REEP5: variants seen among roughly 807,000 people sequenced by gnomAD.
REEP5 encodes the protein receptor accessory protein 5, also known as receptor expression-enhancing protein 5.
REEP5 carries 24 observed loss-of-function variants against 22.4 expected under a neutral mutation model. The ratio of observed to expected loss-of-function variants is 1.07; its 90% CI spans 0.78 to 1.51. The LOEUF (loss-of-function observed/expected upper bound fraction) is 1.51, where lower values mean the gene tolerates loss of function less well. Ranked by LOEUF, REEP5 falls within the 40% of genes most tolerant of loss-of-function variation. The pLI, the probability that REEP5 is intolerant of heterozygous loss-of-function variation, is 0.00. For missense variants in REEP5, 252 were observed against 233.0 expected, an observed-to-expected ratio of 1.08 and a Z score of -0.53; for synonymous variants, 103 against 88.6, an observed-to-expected ratio of 1.16 and a Z score of -0.92.
intron 2 of REEP5, among the ~76,000 whole-genome samples, chr5:112,910,239 C>T (rs468854): frequency 0.42 from 64,155 of 151,922 alleles, 14,605 homozygotes; most frequent in African/African-American, 0.61. Context: ...GGAGGTGGAG[C>T]TGCAGTGAGC....
At chr5:112,884,039 C>G (rs1025292849) in intron 4 of REEP5, among the ~76,000 whole-genome samples, 10 of 152,222 alleles carry the variant, frequency 6.6e-5, no homozygotes, top group African/African-American at 1.9e-4. Flanking sequence ...AGCCAGATCA[C>G]TGCAAGAACC....
chr5:112,909,903 T>G (rs1160458920), intron 2 of REEP5, among the ~76,000 whole-genome samples: 1 of 152,228 alleles, frequency 6.6e-6, no homozygotes, highest in East Asian at 1.9e-4. Flanking sequence ...AGTGTCATCT[T>G]TCAGAAAACC....
intron 3 of REEP5, chr5:112,894,321 T>C (rs960749801): frequency 6.6e-6 from 1 of 152,292 alleles, no homozygotes; most frequent in Non-Finnish European, 1.5e-5. Context: ...GGTTTCACCA[T>C]GTTGGCCAGG....
At chr5:112,880,408 T>A (rs1768033309) in intron 4 of REEP5, among the ~76,000 whole-genome samples, 3 of 152,120 alleles carry the variant, frequency 2.0e-5, no homozygotes, top group African/African-American at 7.2e-5. Context: ...ACTGTGAGAT[T>A]TTACAATCTG....
At chr5:112,916,658 C>A (rs1200475687) in intron 2 of REEP5, among the ~76,000 whole-genome samples, 2 of 152,164 alleles carry the variant, frequency 1.3e-5, no homozygotes, top group African/African-American at 2.4e-5. Flanking sequence ...TAATTTTCAT[C>A]TCTACATAAG....
intron 2 of REEP5, among the ~76,000 whole-genome samples, chr5:112,915,142 A>C (rs1769203269): frequency 6.6e-6 from 1 of 152,180 alleles, no homozygotes; most frequent in East Asian, 1.9e-4. Context: ...AGTCCAGGTC[A>C]GAAGGAGATG....
intron 3 of REEP5, among the ~76,000 whole-genome samples, chr5:112,898,727 TA>T (rs1768769505): frequency 6.6e-6 from 1 of 152,228 alleles, no homozygotes; most frequent in African/African-American, 2.4e-5. Context: ...TGGATCTTAT[TA>T]AGGGCTTTAA....
At chr5:112,914,218 G>A (rs377353815) in intron 2 of REEP5, among the ~76,000 whole-genome samples, 98 of 151,398 alleles carry the variant, frequency 6.5e-4, no homozygotes, top group African/African-American at 2.2e-3. Flanking sequence ...TGCCTCCTGG[G>A]TTCAAGCAAT....
At chr5:112,891,737 G>GA (rs1284134904) in intron 3 of REEP5, 3 of 1,613,974 alleles carry the variant, frequency 1.9e-6, no homozygotes, top group South Asian at 1.1e-5. Flanking sequence ...AAGGAGAAAC[G>GA]AAAGAAACGT....
chr5:112,903,232 C>T, intron 2 of REEP5, among the ~76,000 whole-genome samples: 1 of 152,344 alleles, frequency 6.6e-6, no homozygotes, highest in Non-Finnish European at 1.5e-5. Context: ...TCTCATTATT[C>T]TAAACCTGAA....
At chr5:112,917,175 C>T (rs1268680780) in intron 2 of REEP5, among the ~76,000 whole-genome samples, 2 of 152,234 alleles carry the variant, frequency 1.3e-5, no homozygotes, top group East Asian at 3.8e-4. Context: ...CCTCAGCACC[C>T]CAAAGTGCTG....
At chr5:112,885,796 C>A in intron 4 of REEP5, 1 of 233,986 alleles carries the variant, frequency 4.3e-6, no homozygotes, top group Non-Finnish European at 9.0e-6. Context: ...AGACAGAGAG[C>A]CAAGCTAATG....
intron 3 of REEP5, among the ~76,000 whole-genome samples, chr5:112,891,439 A>G (rs1431619621): frequency 6.6e-6 from 1 of 152,174 alleles, no homozygotes; most frequent in African/African-American, 2.4e-5. Context: ...GATATACTTA[A>G]TTACAAAAAA....
Position 112,902,485 on chromosome 5 carries a change from A to G in REEP5, c.246T>C (p.Asp82=), listed in dbSNP as rs1768874382. 1.2e-6 allele frequency: 2 copies of G among 1,609,764 alleles called. No individual in the cohort carries two copies. Among genetic ancestry groups the G allele is most frequent in the Non-Finnish European group, 1.7e-6 (2 of 1,178,698 alleles). ...IKAIESPNKE[D]DTQWLTYWVV... ...CCCAGTAGGTCAGCCACTGGGTATC[A>G]TCTTCTTTGTTGGGACTCTCTATAG... The change falls in exon 3 of 5, where the codon GAT becomes GAC. Residue 82 remains aspartate (D), a synonymous_variant. Transcript: ENST00000379638.
At position 112,878,214 on chromosome 5, in the gene REEP5, A is replaced by G. The variant is rs1357630581; in HGVS notation, c.*572T>C. 1 of 152,896 alleles carries G rather than the reference A, an allele frequency of 6.5e-6. No homozygotes were observed. The highest frequency in any genetic ancestry group is 1.5e-5 in the Non-Finnish European group (1 of 68,236). 9.5% of individuals were successfully genotyped at this position (152,896 alleles called of 1,614,324 possible). A position where few individuals can be genotyped will look rare whatever the true frequency, so the allele number is the denominator to read the frequency against. On this transcript the variant is annotated 3_prime_UTR_variant, in exon 5 of 5. Coordinates refer to ENST00000379638, the MANE Select transcript of REEP5 (RefSeq NM_005669.5). ...TTATTTAGTAGACCACACCAGCACA[A>G]TGGTTCCTCCAGCTTTTGGCAGGTG...
At chr5:112,910,980 T>C (rs753727534) in intron 2 of REEP5, among the ~76,000 whole-genome samples, 23 of 152,334 alleles carry the variant, frequency 1.5e-4, no homozygotes, top group Non-Finnish European at 2.8e-4. Flanking sequence ...CTGACTTTCT[T>C]AGCCCCCTTG....
intron 2 of REEP5, among the ~76,000 whole-genome samples, chr5:112,910,408 C>G (rs927762489): frequency 3.9e-5 from 6 of 152,130 alleles, no homozygotes; most frequent in Non-Finnish European, 7.4e-5. Flanking sequence ...TTTGTATCTT[C>G]TGCTCAATTT....
At chr5:112,896,013 C>T (rs1768669236) in intron 3 of REEP5, 1 of 152,494 alleles carries the variant, frequency 6.6e-6, no homozygotes, top group South Asian at 2.1e-4. Context: ...CTAATGCTGT[C>T]ACCATGTGAT....
intron 3 of REEP5, among the ~76,000 whole-genome samples, chr5:112,900,966 A>G (rs1768827111): frequency 6.6e-6 from 1 of 151,364 alleles, no homozygotes; most frequent in East Asian, 1.9e-4. Context: ...CCTCCTGAGT[A>G]GCTGGGACTA....
Sources: allele counts gnomAD v4.1 joint callset (sites outside exome capture counted in the v4.1 genomes callset), GRCh38; gene constraint gnomAD v4.1.1; transcripts MANE v1.5; gene names NCBI Gene and HGNC (gene_info 2026-07-23, HGNC 2026-07-21).